Variants in SCN2A observed in about 807,000 individuals in gnomAD.
SCN2A encodes sodium channel protein type 2 subunit alpha.
In SCN2A, 20 loss-of-function variants were observed where a neutral mutation model predicts 188.7. That is an observed-to-expected ratio of 0.11 (90% CI 0.07 to 0.15). The LOEUF (loss-of-function observed/expected upper bound fraction) is 0.15. Among genes scored for constraint, SCN2A ranks in the 10% least tolerant of loss-of-function variants. SCN2A has a pLI of 1.00. For synonymous variants in SCN2A, 804 were observed against 833.1 expected (o/e 0.97, Z 0.60); for missense variants, 1,278 against 2,445.0 (o/e 0.52, Z 10.07).
intron 16 of SCN2A, 41 bp from the exon 17 acceptor site, chr2:165,354,151 A>G (rs998696980): frequency 6.2e-7 from 1 of 1,612,118 alleles, no homozygotes; most frequent in Non-Finnish European, 8.5e-7. Context: ...AATTGAAGCA[A>G]TAGAATGTTT....
chr2:165,250,860 AC>A (rs1360856520), intron 1 of SCN2A, among the ~76,000 whole-genome samples: 1 of 152,066 alleles, frequency 6.6e-6, no homozygotes, highest in Non-Finnish European at 1.5e-5. Context: ...TTAACTACCA[AC>A]AAATTTGATC....
At position 165,323,209 on chromosome 2, in the gene SCN2A, G is replaced by C. The variant is rs543538780; in HGVS notation, c.1725G>C (p.Ala575=). ...SLFSPRRNSR[A]SLFSFRGRAK... ...TCTCTCCAAGACGCAACAGTAGGGCGAGCCTTTTCAGCTTCAGAGGTCGAG... is the reference window on the plus strand; with the variant it reads ...TCTCTCCAAGACGCAACAGTAGGGCCAGCCTTTTCAGCTTCAGAGGTCGAG... The change falls in exon 12 of 27, where the codon GCG becomes GCC. Residue 575 remains alanine, a synonymous_variant. Coordinates refer to ENST00000375437, the MANE Select transcript of SCN2A (RefSeq NM_001040142.2). 6.2e-7 allele frequency: 1 copy of C among 1,614,144 alleles called. No homozygotes were observed. The highest frequency in any genetic ancestry group is 8.5e-7 in the Non-Finnish European group (1 of 1,180,038).
chr2:165,270,416 T>G (rs1695053335), intron 1 of SCN2A: 1 of 151,928 alleles, frequency 6.6e-6, no homozygotes, highest in African/African-American at 2.4e-5. Flanking sequence ...ATGTATCATA[T>G]CAGTTTTTTT....
At chr2:165,259,088 T>A (rs553715065) in intron 1 of SCN2A, among the ~76,000 whole-genome samples, 5 of 152,248 alleles carry the variant, frequency 3.3e-5, no homozygotes, top group South Asian at 4.1e-4. Flanking sequence ...AAATAAAATT[T>A]AAAAAAAGAC....
At chr2:165,302,370 T>G (rs1226134925) in intron 3 of SCN2A, among the ~76,000 whole-genome samples, 1 of 152,194 alleles carries the variant, frequency 6.6e-6, no homozygotes, top group African/African-American at 2.4e-5. Context: ...CTATTCTACT[T>G]CAAATTATCC....
intron 1 of SCN2A, chr2:165,268,486 C>G (rs569961192): frequency 8.6e-5 from 13 of 151,834 alleles, no homozygotes; most frequent in African/African-American, 2.7e-4. Context: ...ATACAGTATC[C>G]CTTTATGGTA....
intron 13 of SCN2A, chr2:165,327,218 C>A: frequency 2.1e-6 from 1 of 478,516 alleles, no homozygotes; most frequent in African/African-American, 2.0e-5. Context: ...TTTTGAACAC[C>A]ACTTTCATAC....
At chr2:165,377,307 A>C (rs1413706845) in intron 22 of SCN2A, among the ~76,000 whole-genome samples, 1 of 152,020 alleles carries the variant, frequency 6.6e-6, no homozygotes, top group Non-Finnish European at 1.5e-5. Flanking sequence ...TTATATAAAC[A>C]CATCAGAGTC....
At chr2:165,241,309 T>C (rs1693613185) in intron 1 of SCN2A, among the ~76,000 whole-genome samples, 1 of 152,218 alleles carries the variant, frequency 6.6e-6, no homozygotes, top group African/African-American at 2.4e-5. Context: ...AAACTCTGTT[T>C]CTTAGTATGC....
rs541791514 is a variant in SCN2A, at chr2:165,335,262, ATT to A, written c.2388+3697_2388+3698del. ...GCAGAAAGTGATAAATTGACTGTAAATTTTATATGAAAATGCAAGAGACTATA... is the reference window on the plus strand; with the variant it reads ...GCAGAAAGTGATAAATTGACTGTAAATTATATGAAAATGCAAGAGACTATA... On this transcript the variant is annotated intron_variant, in intron 14 of 26. Transcript: ENST00000375437. Among the ~76,000 whole-genome samples, 242 of 151,786 alleles carry A rather than the reference ATT, an allele frequency of 1.6e-3. 3 individuals are homozygous for A. Among genetic ancestry groups the A allele is most frequent in the South Asian group, 0.014 (65 of 4,814 alleles).
At chr2:165,302,271 A>T (rs1696856397) in intron 3 of SCN2A, among the ~76,000 whole-genome samples, 2 of 152,202 alleles carry the variant, frequency 1.3e-5, no homozygotes, top group Admixed American at 1.3e-4. Flanking sequence ...AAAATTAAAC[A>T]ATCCAATATT....
At chr2:165,256,006 T>C (rs1204378815) in intron 1 of SCN2A, among the ~76,000 whole-genome samples, 5 of 140,330 alleles carry the variant, frequency 3.6e-5, no homozygotes, top group Non-Finnish European at 6.2e-5. Context: ...TTTTCTTTTT[T>C]TTTTTTTTTT....
intron 10 of SCN2A, 133 bp downstream of exon 10, chr2:165,314,241 G>T (rs993123240): frequency 1.2e-5 from 10 of 865,116 alleles, no homozygotes; most frequent in Non-Finnish European, 1.8e-5. Context: ...GAGCCTGTTT[G>T]GTTATTAAGA....
chr2:165,295,472 G>C (rs1172762717), intron 1 of SCN2A, among the ~76,000 whole-genome samples: 1 of 152,184 alleles, frequency 6.6e-6, no homozygotes, highest in Non-Finnish European at 1.5e-5. Flanking sequence ...GCACAAACCA[G>C]TATCCTCCAT....
intron 13 of SCN2A, among the ~76,000 whole-genome samples, chr2:165,329,846 A>T (rs1698581406): frequency 6.6e-6 from 1 of 152,202 alleles, no homozygotes; most frequent in Non-Finnish European, 1.5e-5. Context: ...TCTCTGAATT[A>T]TAAATCAAAT....
At chr2:165,319,999 A>C (rs969476697) in intron 11 of SCN2A, among the ~76,000 whole-genome samples, 15 of 152,210 alleles carry the variant, frequency 9.9e-5, no homozygotes, top group Non-Finnish European at 2.1e-4. Context: ...CACAGTCCAA[A>C]CAAAGCCTCA....
intron 1 of SCN2A, among the ~76,000 whole-genome samples, chr2:165,241,916 A>T (rs1380568230): frequency 6.6e-6 from 1 of 152,224 alleles, no homozygotes; most frequent in Non-Finnish European, 1.5e-5. Flanking sequence ...TATTCCAGGT[A>T]CATAGGTGAG....
At chr2:165,260,648 C>T (rs964455929) in intron 1 of SCN2A, among the ~76,000 whole-genome samples, 3 of 151,946 alleles carry the variant, frequency 2.0e-5, no homozygotes, top group African/African-American at 7.3e-5. Context: ...AGATGAATAC[C>T]AAACTCTGTG....
At chr2:165,306,480 A>C (rs1697137937) in intron 3 of SCN2A, among the ~76,000 whole-genome samples, 1 of 151,114 alleles carries the variant, frequency 6.6e-6, no homozygotes, top group African/African-American at 2.4e-5. Flanking sequence ...ATAAAGAAAA[A>C]TTGTGTTTCT....
Sources: allele counts gnomAD v4.1 joint callset (sites outside exome capture counted in the v4.1 genomes callset), GRCh38; gene constraint gnomAD v4.1.1; transcripts MANE v1.5; gene names NCBI Gene and HGNC (gene_info 2026-07-23, HGNC 2026-07-21).